Variants in PDK4 observed in about 807,000 individuals in gnomAD.
The protein encoded by PDK4 is pyruvate dehydrogenase kinase 4.
PDK4 carries 43 observed loss-of-function variants against 51.7 expected under a neutral mutation model. The observed-to-expected ratio is 0.83, with a 90% CI of 0.65 to 1.07. The LOEUF (loss-of-function observed/expected upper bound fraction) is 1.07. Among genes scored for constraint, PDK4 ranks in the 50% least tolerant of loss-of-function variants. The pLI, the probability that PDK4 is intolerant of heterozygous loss-of-function variation, is 0.00. For missense variants in PDK4, 498 were observed against 503.5 expected, an observed-to-expected ratio of 0.99 and a Z score of 0.10; for synonymous variants, 170 against 176.6, an observed-to-expected ratio of 0.96 and a Z score of 0.30.
At chr7:95,593,267 G>T (rs987828267) in intron 3 of PDK4, among the ~76,000 whole-genome samples, 2 of 152,068 alleles carry the variant, frequency 1.3e-5, no homozygotes, top group African/African-American at 4.8e-5. Flanking sequence ...TTCTAGAGAT[G>T]ACTCTAGAAT....
chr7:95,595,479 A>AC (rs1209905148), intron 1 of PDK4, among the ~76,000 whole-genome samples: 6 of 152,206 alleles, frequency 3.9e-5, no homozygotes. Context: ...AGACTGCAGG[A>AC]TTCGGTCACA....
intron 6 of PDK4, among the ~76,000 whole-genome samples, chr7:95,591,292 T>G (rs1339990837): frequency 1.3e-5 from 2 of 152,124 alleles, no homozygotes; most frequent in African/African-American, 4.8e-5. Context: ...AAAACAATAG[T>G]GCAATTTTTT....
chr7:95,590,692 G>C (rs1791542164), intron 6 of PDK4, among the ~76,000 whole-genome samples: 1 of 152,120 alleles, frequency 6.6e-6, no homozygotes. Flanking sequence ...GCTACTCTTT[G>C]AGCAACTTGA....
Position 95,586,194 on chromosome 7 carries a change from G to GTTT in PDK4, c.1096-416_1096-414dup, listed in dbSNP as rs11377701. Among the ~76,000 whole-genome samples the GTTT allele has an allele frequency of 7.7e-4, 93 of 120,780 alleles. 13 individuals carry two copies. Among genetic ancestry groups the GTTT allele is most frequent in the Middle Eastern group, 5.0e-3 (1 of 202 alleles). 79.2% of individuals were successfully genotyped at this position (120,780 alleles called of 152,430 possible). On this transcript the variant is annotated intron_variant, in intron 10 of 10. Transcript: ENST00000005178. The stretch of plus-strand genomic sequence containing the variant: ...CAGAAACAGGAAAATATGCACCAAG[G>GTTT]TTTTTTTTTTTTTTTTTTGAGACGG...
chr7:95,583,985 G>T lies in PDK4; in HGVS notation c.*1656C>A, dbSNP rs999816316. On this transcript the variant is annotated 3_prime_UTR_variant, in exon 11 of 11. Coordinates refer to ENST00000005178, the MANE Select transcript of PDK4 (RefSeq NM_002612.4). The stretch of plus-strand genomic sequence containing the variant: ...AACTGAAATCCACAAAAAAATAGTT[G>T]AGCTTCTATTACCATTACCAGAAGC... 6 of 152,070 alleles carry T rather than the reference G, an allele frequency of 3.9e-5. No individual in the cohort carries two copies. The highest frequency in any genetic ancestry group is 1.4e-4 in the African/African-American group (6 of 41,410). The allele number at this position is 152,070 out of a possible 1,614,324, so 9.4% of individuals were successfully genotyped here. A position where few individuals can be genotyped will look rare whatever the true frequency, so the allele number is the denominator to read the frequency against.
chr7:95,596,128 C>G, intron 1 of PDK4, 36 bp downstream of exon 1: 1 of 1,583,860 alleles, frequency 6.3e-7, no homozygotes, highest in Non-Finnish European at 8.6e-7. Context: ...GTTCCCCAAC[C>G]CTAGGACCCA....
chr7:95,595,876 C>CAAA (rs942458723), intron 1 of PDK4, among the ~76,000 whole-genome samples: 5 of 152,084 alleles, frequency 3.3e-5, no homozygotes, highest in Non-Finnish European at 7.4e-5. Context: ...TGACCGAAAG[C>CAAA]AAAAAGTATT....
At position 95,592,048 on chromosome 7, in the gene PDK4, T is replaced by C; in HGVS notation, c.634A>G (p.Arg212Gly). Residue 212 changes from arginine (R) to glycine (G), a missense_variant, in exon 6 of 11, where the codon AGG (arginine) becomes GGG (glycine). By Grantham distance (125) the Arg-to-Gly change is moderately radical (BLOSUM62 -2). Transcript: ENST00000005178. ...AVVQDAFECSRMLCDQYYLSS... is the reference protein window; with the variant it reads ...AVVQDAFECSGMLCDQYYLSS... ...AAATAATACTGATCACAGAGCATCC[T>C]TGAACACTCAAAGGCATCTGGAATA... The C allele has an allele frequency of 1.3e-6, 2 of 1,584,142 alleles. No individual in the cohort carries two copies. The highest frequency in any genetic ancestry group is 1.7e-6 in the Non-Finnish European group (2 of 1,164,040).
chr7:95,592,940 C>A lies in PDK4; in HGVS notation c.349G>T (p.Val117Leu). 1 of 1,578,632 alleles carries A rather than the reference C, an allele frequency of 6.3e-7. No individual in the cohort carries two copies. Among genetic ancestry groups the A allele is most frequent in the Non-Finnish European group, 8.6e-7 (1 of 1,158,080 alleles). Residue 117 changes from valine to leucine, a missense_variant, in exon 4 of 11, where the codon GTA becomes TTA. Coordinates refer to ENST00000005178, the MANE Select transcript of PDK4 (RefSeq NM_002612.4). The stretch of plus-strand genomic sequence containing the variant: ...TTTCGAACTTTGATGAGTGTATCTA[C>A]AAAGCTAAGCCACAATATTTATGGT... ...PDDQKALSDF[V>L]DTLIKVRNRH... is the part of the protein sequence containing the mutation.
Position 95,584,628 on chromosome 7 carries a change from G to A in PDK4, c.*1013C>T, listed in dbSNP as rs1480794525. On this transcript the variant is annotated 3_prime_UTR_variant, in exon 11 of 11. Coordinates refer to ENST00000005178, the MANE Select transcript of PDK4 (RefSeq NM_002612.4). ...TTTAAACAGACATATTAATGCTGGA[G>A]TGTAGAGAATATAATTAAATATATC... 1 of 152,172 alleles carries A rather than the reference G, an allele frequency of 6.6e-6. No homozygotes were observed. Among genetic ancestry groups the A allele is most frequent in the Non-Finnish European group, 1.5e-5 (1 of 68,036 alleles). The allele number at this position is 152,172 out of a possible 1,614,324, so 9.4% of individuals were successfully genotyped here.
intron 10 of PDK4, 80 bp downstream of exon 10, chr7:95,586,930 A>C: frequency 1.3e-6 from 1 of 747,364 alleles, no homozygotes; most frequent in Non-Finnish European, 2.3e-6. Context: ...TGGGGAATTC[A>C]CTCCAGACCA....
At chr7:95,591,428 C>T (rs1002663519) in intron 6 of PDK4, among the ~76,000 whole-genome samples, 3 of 152,184 alleles carry the variant, frequency 2.0e-5, no homozygotes. Flanking sequence ...ATTCATGTTG[C>T]ATAACTGAAA....
intron 7 of PDK4, 30 bp downstream of exon 7, chr7:95,589,610 T>C: frequency 8.8e-7 from 1 of 1,139,882 alleles, no homozygotes; most frequent in Non-Finnish European, 1.3e-6. Flanking sequence ...TTTTAAAAGG[T>C]AAAATTTCAA....
At chr7:95,587,571 A>C (rs1414991297) in intron 8 of PDK4, 43 bp from the exon 9 acceptor site, 3 of 1,344,308 alleles carry the variant, frequency 2.2e-6, no homozygotes, top group Non-Finnish European at 3.2e-6. Context: ...CATTAAAAAC[A>C]ATGTGCATTT....
In PDK4 at chr7:95,585,728, GA is replaced by G. The variant is rs1791473087; in HGVS notation, c.1148del (p.Phe383SerfsTer6). On this transcript the variant is annotated frameshift_variant, in exon 11 of 11. Coordinates refer to ENST00000005178, the MANE Select transcript of PDK4 (RefSeq NM_002612.4). LOFTEE classifies it high-confidence loss of function. ...CCTCAGAGCTCATCTGATAATGTTTGAAGGCTGACTTGTTAAAAACTGGAAG... is the reference window on the plus strand; with the variant it reads ...CCTCAGAGCTCATCTGATAATGTTTGAGGCTGACTTGTTAAAAACTGGAAG... ...EKLPVFNKSAFKHYQMSSEAD... is the reference protein window; with the variant it reads ...EKLPVFNKSAXKHYQMSSEAD... 2 of 1,607,246 alleles carry G rather than the reference GA, an allele frequency of 1.2e-6. No homozygotes were observed. Among genetic ancestry groups the G allele is most frequent in the Non-Finnish European group, 1.7e-6 (2 of 1,174,374 alleles).
In PDK4 at chr7:95,587,422, G is replaced by A. The variant is rs779849913; in HGVS notation, c.977C>T (p.Pro326Leu). 2.5e-5 allele frequency: 39 copies of A among 1,571,834 alleles called. No homozygotes were observed. Among genetic ancestry groups the A allele is most frequent in the Non-Finnish European group, 3.4e-5 (39 of 1,141,456 alleles). ...TAGCCATATAATTGTTCTTACCAAA[G>A]GAGCATTCCGGGAATTATCCATCAC... The part of the protein sequence containing the change: ...TPVMDNSRNA[P>L]LAGFGYGLPI... The change falls in exon 9 of 11, where the codon CCT becomes CTT. Residue 326 changes from proline (P) to leucine (L), a missense_variant. By Grantham distance (98) the Pro-to-Leu change is moderately conservative. Transcript: ENST00000005178.
intron 9 of PDK4, 135 bp from the exon 10 acceptor site, chr7:95,587,258 C>T (rs1231467575): frequency 1.4e-6 from 1 of 706,542 alleles, no homozygotes; most frequent in Non-Finnish European, 2.5e-6. Context: ...ATCAGACATC[C>T]CTTGTTTCAC....
chr7:95,592,150 C>CCTG, intron 5 of PDK4, 85 bp from the exon 6 acceptor site: 1 of 656,844 alleles, frequency 1.5e-6, no homozygotes, highest in South Asian at 2.5e-5. Flanking sequence ...CTGTATTACC[C>CCTG]TAATCTAAAA....
intron 10 of PDK4, 23 bp from the exon 11 acceptor site, chr7:95,585,804 C>G (rs1194672108): frequency 1.3e-6 from 2 of 1,574,212 alleles, no homozygotes; most frequent in Admixed American, 3.4e-5. Flanking sequence ...GGGGGAAAAA[C>G]ATGAGACCAA....
Sources: gnomAD v4.1 joint callset for allele counts (sites outside exome capture counted in the v4.1 genomes callset) on GRCh38, gnomAD v4.1.1 for gene constraint, MANE v1.5 for transcripts, NCBI Gene and HGNC (gene_info 2026-07-23, HGNC 2026-07-21) for gene names.